The following CACHD1 variants were observed in gnomAD, a reference collection of about 807,000 sequenced individuals.
The protein encoded by CACHD1 is cache domain containing 1.
In CACHD1, 71 loss-of-function variants were observed where a neutral mutation model predicts 138.7. The ratio of observed to expected loss-of-function variants is 0.51; its 90% confidence interval spans 0.42 to 0.62. CACHD1 has a LOEUF of 0.62. CACHD1 is among the 20% of genes least tolerant of loss of function. The probability of loss-of-function intolerance (pLI) is 0.00; values close to 1 mark genes in which losing one functional copy is unlikely to be tolerated. For synonymous variants in CACHD1, 578 were observed against 591.5 expected (o/e 0.98, Z 0.33); for missense variants, 1,389 against 1,625.3 (o/e 0.85, Z 2.50).
intron 5 of CACHD1, among the ~76,000 whole-genome samples, chr1:64,632,277 A>G (rs796422219): frequency 5.4e-4 from 70 of 130,722 alleles, no homozygotes; most frequent in Admixed American, 7.6e-4. Context: ...AAAAAAAAAA[A>G]AGAGAGAAAA....
intron 1 of CACHD1, among the ~76,000 whole-genome samples, chr1:64,496,863 C>CAAAA (rs35934967): frequency 2.3e-5 from 2 of 85,342 alleles, no homozygotes; most frequent in Non-Finnish European, 5.0e-5. Context: ...GAAGTTGTCT[C>CAAAA]AAAAAAAAAA....
Position 64,470,688 on chromosome 1 carries a change from C to T in CACHD1, c.-57C>T. 1 of 471,392 alleles carries T rather than the reference C, an allele frequency of 2.1e-6. No homozygotes were observed. The highest frequency in any genetic ancestry group is 3.7e-6 in the Non-Finnish European group (1 of 271,920). The allele number at this position is 471,392 out of a possible 1,614,324, so 29.2% of individuals were successfully genotyped here. A position where few individuals can be genotyped will look rare whatever the true frequency, so the allele number is the denominator to read the frequency against. Reference sequence around the variant, plus strand: ...CGCCGCGCTTTTGCGGGGGGCACCTCCCGCGGCCCGCTTCCCCGCGCCCGG... The same window carrying T: ...CGCCGCGCTTTTGCGGGGGGCACCTTCCGCGGCCCGCTTCCCCGCGCCCGG... On this transcript the variant is annotated 5_prime_UTR_variant, in exon 1 of 27. Transcript: ENST00000651257. The surrounding 1 kb of genome is among the most constrained non-coding windows in gnomAD (Gnocchi z 5.2).
chr1:64,519,558 C>A (rs1646482694), intron 1 of CACHD1, among the ~76,000 whole-genome samples: 1 of 151,872 alleles, frequency 6.6e-6, no homozygotes. Flanking sequence ...TTTTTCCTTC[C>A]AGCAAAAAAA....
chr1:64,674,099 A>G (rs1649906442), intron 19 of CACHD1, among the ~76,000 whole-genome samples: 1 of 152,164 alleles, frequency 6.6e-6, no homozygotes. Context: ...TTTATTTAGA[A>G]TAGGCATTTA....
chr1:64,643,654 G>A (rs1015494153), intron 8 of CACHD1, among the ~76,000 whole-genome samples: 5 of 152,136 alleles, frequency 3.3e-5, no homozygotes, highest in African/African-American at 1.2e-4. Flanking sequence ...GGCTAACACG[G>A]TGAAACCCCA....
chr1:64,663,340 C>G (rs1411072719), intron 13 of CACHD1, among the ~76,000 whole-genome samples: 2 of 152,112 alleles, frequency 1.3e-5, no homozygotes, highest in Non-Finnish European at 2.9e-5. Context: ...ATCACGAGGT[C>G]AGGAGATCGA....
intron 4 of CACHD1, among the ~76,000 whole-genome samples, chr1:64,606,398 T>C (rs1479495161): frequency 5.3e-5 from 8 of 152,008 alleles, no homozygotes; most frequent in African/African-American, 1.7e-4. Flanking sequence ...TGAGTGACTG[T>C]TTGGTGTGCT....
At chr1:64,671,228 A>G (rs79647863) in intron 16 of CACHD1, among the ~76,000 whole-genome samples, 1,931 of 152,138 alleles carry the variant, frequency 0.013, 40 homozygotes, top group African/African-American at 0.044. Flanking sequence ...GTTGGAAGTA[A>G]CTGTAGTAGT....
At chr1:64,677,469 G>C (rs1467769592) in intron 22 of CACHD1, among the ~76,000 whole-genome samples, 1 of 152,312 alleles carries the variant, frequency 6.6e-6, no homozygotes, top group Admixed American at 6.5e-5. Context: ...AGACATTATG[G>C]AAATAGTGGC....
intron 19 of CACHD1, among the ~76,000 whole-genome samples, chr1:64,674,275 C>T (rs1307724882): frequency 1.3e-5 from 2 of 152,132 alleles, no homozygotes; most frequent in African/African-American, 2.4e-5. Context: ...CAAGGGAAGT[C>T]ATTATTACCC....
intron 2 of CACHD1, among the ~76,000 whole-genome samples, 182 bp downstream of exon 2, chr1:64,550,838 C>CT (rs1646753535): frequency 6.6e-6 from 1 of 152,146 alleles, no homozygotes; most frequent in African/African-American, 2.4e-5. Flanking sequence ...CGGTTAAAAA[C>CT]TTATATGCAT....
intron 7 of CACHD1, among the ~76,000 whole-genome samples, chr1:64,637,585 G>C (rs1557532128): frequency 6.6e-6 from 1 of 152,152 alleles, no homozygotes; most frequent in African/African-American, 2.4e-5. Flanking sequence ...TTCTCCTCTG[G>C]ATTTTTCTGT....
intron 2 of CACHD1, among the ~76,000 whole-genome samples, chr1:64,567,571 C>G (rs997814954): frequency 6.6e-6 from 1 of 152,140 alleles, no homozygotes; most frequent in Non-Finnish European, 1.5e-5. Flanking sequence ...GAAATCGAGA[C>G]TCAGAGACAT....
chr1:64,658,536 A>T (rs1246381673), intron 12 of CACHD1, among the ~76,000 whole-genome samples, 169 bp from the exon 13 acceptor site: 1 of 152,154 alleles, frequency 6.6e-6, no homozygotes, highest in African/African-American at 2.4e-5. Flanking sequence ...ACAAAATTAG[A>T]TACCTTCTAT....
chr1:64,535,941 T>C (rs1462186959), intron 1 of CACHD1, among the ~76,000 whole-genome samples: 1 of 152,184 alleles, frequency 6.6e-6, no homozygotes, highest in Non-Finnish European at 1.5e-5. Flanking sequence ...ATCCAATTTA[T>C]GCAACTGTTA....
intron 17 of CACHD1, among the ~76,000 whole-genome samples, chr1:64,672,574 G>A (rs976539345): frequency 6.6e-6 from 1 of 151,966 alleles, no homozygotes; most frequent in Non-Finnish European, 1.5e-5. Context: ...ACTATCACAG[G>A]TAGATATATA....
At chr1:64,522,545 C>T (rs540258543) in intron 1 of CACHD1, among the ~76,000 whole-genome samples, 213 of 126,618 alleles carry the variant, frequency 1.7e-3, no homozygotes, top group African/African-American at 5.1e-3. Context: ...TCAAGTGATC[C>T]GCCTGCCCGC....
At chr1:64,579,892 T>C (rs536890836) in intron 2 of CACHD1, 1 of 146,978 alleles carries the variant, frequency 6.8e-6, no homozygotes, top group African/African-American at 2.5e-5. Context: ...CTAACAGTGC[T>C]TGTAGTCTCA....
At chr1:64,608,585 CAT>C (rs934551655) in intron 4 of CACHD1, among the ~76,000 whole-genome samples, 28 of 152,204 alleles carry the variant, frequency 1.8e-4, no homozygotes, top group African/African-American at 6.5e-4. Flanking sequence ...TCATCCAACA[CAT>C]ATGTGTATTC....
Sources: allele counts gnomAD v4.1 joint callset (sites outside exome capture counted in the v4.1 genomes callset), GRCh38; gene constraint gnomAD v4.1.1; non-coding constraint Gnocchi (gnomAD v3.1); transcripts MANE v1.5; gene names NCBI Gene and HGNC (gene_info 2026-07-23, HGNC 2026-07-21).